SLIT3: variants seen among roughly 807,000 people sequenced by gnomAD.
SLIT3 encodes the protein slit guidance ligand 3, also known as slit homolog 3 protein.
In SLIT3, 68 loss-of-function variants were observed where a neutral mutation model predicts 184.0. That is an observed-to-expected ratio of 0.37 (90% CI 0.30 to 0.45). The LOEUF is 0.45. Among genes scored for constraint, SLIT3 ranks in the 20% least tolerant of loss-of-function variants. SLIT3 has a pLI of 1.00. For missense variants in SLIT3, 1,707 were observed against 2,026.0 expected (o/e 0.84, Z 3.02); for synonymous variants, 831 against 828.6 (o/e 1.00, Z -0.05).
intron 33 of SLIT3, 48 bp downstream of exon 33, chr5:168,673,129 C>T (rs1311443306): frequency 6.3e-7 from 1 of 1,585,618 alleles, no homozygotes; most frequent in Admixed American, 1.7e-5. Flanking sequence ...TGTACTGGAG[C>T]ACAGAGGGCC....
intron 4 of SLIT3, among the ~76,000 whole-genome samples, chr5:169,143,609 G>T (rs2113350023): frequency 6.6e-6 from 1 of 152,316 alleles, no homozygotes; most frequent in South Asian, 2.1e-4. Flanking sequence ...GACCAGCCCA[G>T]CCAACATGGC....
intron 4 of SLIT3, among the ~76,000 whole-genome samples, chr5:168,990,803 C>T (rs529061642): frequency 4.9e-4 from 75 of 152,282 alleles, no homozygotes; most frequent in South Asian, 3.5e-3. Context: ...TGCAAGAACA[C>T]GCTCCAGGGA....
chr5:169,204,733 TTC>T (rs1428266555), intron 3 of SLIT3, among the ~76,000 whole-genome samples: 3 of 152,150 alleles, frequency 2.0e-5, no homozygotes, highest in South Asian at 2.1e-4. Flanking sequence ...TTCTGACCAC[TTC>T]TGTTTCCTCA....
chr5:169,187,555 C>CTTTTTTTTTTTTTTTTTTTT (rs796812191), intron 4 of SLIT3, among the ~76,000 whole-genome samples: 1 of 89,048 alleles, frequency 1.1e-5, no homozygotes, highest in Non-Finnish European at 2.3e-5. Flanking sequence ...TTCTTTCTTT[C>CTTTTTTTTTTTTTTTTTTTT]TTTCTTTTTT....
At chr5:168,738,020 A>AT (rs1329858984) in intron 20 of SLIT3, among the ~76,000 whole-genome samples, 1 of 152,144 alleles carries the variant, frequency 6.6e-6, no homozygotes, top group African/African-American at 2.4e-5. Flanking sequence ...TGCCTTTTAA[A>AT]TTAGGAACTT....
At chr5:168,865,310 T>C (rs1485143718) in intron 5 of SLIT3, among the ~76,000 whole-genome samples, 2 of 151,984 alleles carry the variant, frequency 1.3e-5, no homozygotes, top group East Asian at 3.9e-4. Flanking sequence ...GCTTTATTCG[T>C]AATAACCCAA....
intron 14 of SLIT3, among the ~76,000 whole-genome samples, chr5:168,765,267 G>C (rs985817189): frequency 2.6e-5 from 4 of 152,200 alleles, no homozygotes; most frequent in African/African-American, 9.6e-5. Flanking sequence ...CAGTAGTATA[G>C]TTAGATTATA....
Position 168,834,608 on chromosome 5 carries a change from G to A in SLIT3, c.557+9976C>T, listed in dbSNP as rs13360021. On this transcript the variant is annotated intron_variant, in intron 6 of 35. Coordinates refer to ENST00000519560, the MANE Select transcript of SLIT3 (RefSeq NM_003062.4). ...TCAGGAGGCTGAGGGCAGGAGGTGA[G>A]CCTGGGAGGTGGAGGTTGCAGTGAG... is the stretch of plus-strand genomic sequence containing the variant. Among the ~76,000 whole-genome samples, 3 of 148,862 alleles carry A rather than the reference G, an allele frequency of 2.0e-5. No individual in the cohort carries two copies. In the East Asian group the frequency reaches 6.0e-4, roughly 30 times the overall value.
At position 169,187,111 on chromosome 5, in the gene SLIT3, G is replaced by GTTTTTTTTTTTT. The variant is rs761501769; in HGVS notation, c.413+6356_413+6367dup. Among the ~76,000 whole-genome samples the GTTTTTTTTTTTT allele has an allele frequency of 1.8e-3, 166 of 94,420 alleles. 9 individuals are homozygous for GTTTTTTTTTTTT. Among genetic ancestry groups the GTTTTTTTTTTTT allele is most frequent in the Non-Finnish European group, 2.3e-3 (120 of 51,354 alleles). 61.9% of individuals were successfully genotyped at this position (94,420 alleles called of 152,430 possible). ...AGTACAACTGCTTATGCAGCTATAGGTTTTTTTTTTTTTTTTTTTTTGAGA... is the reference window on the plus strand; with the variant it reads ...AGTACAACTGCTTATGCAGCTATAGGTTTTTTTTTTTTTTTTTTTTTTTTTTTTTTTTTGAGA... On this transcript the variant is annotated intron_variant, in intron 4 of 35. Coordinates refer to ENST00000519560, the MANE Select transcript of SLIT3 (RefSeq NM_003062.4).
intron 4 of SLIT3, among the ~76,000 whole-genome samples, chr5:168,900,959 G>C (rs890617536): frequency 6.6e-6 from 1 of 152,138 alleles, no homozygotes. Context: ...AAGCGTGAGG[G>C]GTAGAAGGTG....
At chr5:168,816,362 T>G (rs35275875) in intron 8 of SLIT3, among the ~76,000 whole-genome samples, 20,120 of 152,110 alleles carry the variant, frequency 0.13, 1,700 homozygotes, top group East Asian at 0.29. Flanking sequence ...AATTTTTGTA[T>G]TTTTAGTAGA....
chr5:169,201,248 T>C (rs1224464689), intron 3 of SLIT3, among the ~76,000 whole-genome samples: 2 of 152,216 alleles, frequency 1.3e-5, no homozygotes, highest in Admixed American at 1.3e-4. Context: ...CCCTTTATTT[T>C]TGACATTTCT....
At chr5:169,216,651 C>G (rs62376911) in intron 3 of SLIT3, among the ~76,000 whole-genome samples, 15,677 of 152,230 alleles carry the variant, frequency 0.1, 1,098 homozygotes, top group East Asian at 0.35. Context: ...GCCCTGAGCC[C>G]TGATTTCATC....
At chr5:169,204,679 A>T (rs768904941) in intron 3 of SLIT3, among the ~76,000 whole-genome samples, 1 of 152,082 alleles carries the variant, frequency 6.6e-6, no homozygotes, top group Admixed American at 6.5e-5. Flanking sequence ...AAGTCAGGGG[A>T]CGGGGGGTGG....
chr5:169,169,930 G>C (rs748827305), intron 4 of SLIT3, among the ~76,000 whole-genome samples: 1 of 152,218 alleles, frequency 6.6e-6, no homozygotes, highest in Non-Finnish European at 1.5e-5. Flanking sequence ...GCCACAGAGC[G>C]CAAGTCCAGC....
Position 169,189,245 on chromosome 5 carries a change from A to G in SLIT3, c.413+4234T>C, listed in dbSNP as rs1056511063. ...GCAAAATCCTAAGGGAATCCCTTGGATATATGACAGGTCCATCACCAATCC... is the reference window on the plus strand; with the variant it reads ...GCAAAATCCTAAGGGAATCCCTTGGGTATATGACAGGTCCATCACCAATCC... On this transcript the variant is annotated intron_variant, in intron 4 of 35. Coordinates refer to ENST00000519560, the MANE Select transcript of SLIT3 (RefSeq NM_003062.4). Among the ~76,000 whole-genome samples the G allele has an allele frequency of 4.6e-5, 7 of 151,972 alleles. No individual in the cohort carries two copies. The East Asian group carries it at 9.6e-4, about 21-fold the overall frequency.
chr5:169,100,274 A>G (rs1210129644), intron 4 of SLIT3, among the ~76,000 whole-genome samples: 1 of 152,196 alleles, frequency 6.6e-6, no homozygotes, highest in Non-Finnish European at 1.5e-5. Context: ...TCAGACGGGA[A>G]GGAGAGGACA....
chr5:169,156,196 G>A (rs372644587), intron 4 of SLIT3, among the ~76,000 whole-genome samples: 40 of 152,110 alleles, frequency 2.6e-4, no homozygotes, highest in South Asian at 4.2e-4. Context: ...AAGAGAAAAC[G>A]AACAACTTTC....
intron 5 of SLIT3, among the ~76,000 whole-genome samples, chr5:168,881,487 T>G (rs557638829): frequency 3.7e-4 from 57 of 152,336 alleles, no homozygotes; most frequent in African/African-American, 1.3e-3. Flanking sequence ...ATTAGTGTCA[T>G]GAGATCTGAC....
Sources: allele counts gnomAD v4.1 joint callset (sites outside exome capture counted in the v4.1 genomes callset), GRCh38; gene constraint gnomAD v4.1.1; transcripts MANE v1.5; gene names NCBI Gene and HGNC (gene_info 2026-07-23, HGNC 2026-07-21).